F11: variants seen among roughly 807,000 people sequenced by gnomAD.
The protein encoded by F11 is coagulation factor XI, also known as coagualtion factor XI.
Under a neutral mutation model 76.5 loss-of-function variants are expected in F11, and 78 were observed. The observed-to-expected ratio is 1.02, with a 90% confidence interval of 0.85 to 1.23. The LOEUF is 1.23. Among genes scored for constraint, F11 ranks in the 50% most tolerant of loss-of-function variants. The pLI is 0.00. For synonymous variants in F11, 278 were observed against 276.3 expected, an observed-to-expected ratio of 1.01 and a Z score of -0.06; for missense variants, 742 against 771.4, an observed-to-expected ratio of 0.96 and a Z score of 0.45.
At chr4:186,282,747 G>A (rs756096006) in intron 10 of F11, 17 of 985,216 alleles carry the variant, frequency 1.7e-5, no homozygotes, top group Non-Finnish European at 1.9e-5. Flanking sequence ...TCACCCTTCC[G>A]GCTCTAAAAT....
At position 186,279,837 on chromosome 4, in the gene F11, G is replaced by A. The variant is rs139433830; in HGVS notation, c.756-175G>A. 1.3e-3 allele frequency among the ~76,000 whole-genome samples: 204 copies of A among 152,316 alleles called. 1 individual carries two copies. The highest frequency in any genetic ancestry group is 4.7e-3 in the African/African-American group (194 of 41,570). On this transcript the variant is annotated intron_variant, in intron 7 of 14. Transcript: ENST00000403665. ...TTGTCTGCAACCTAAGGGCCATGGA[G>A]TGTGACTCCATGGTTTATGGGTGTA...
rs1741410269 is a variant in F11, at chr4:186,288,959, A to G, written c.*345A>G. On this transcript the variant is annotated 3_prime_UTR_variant, in exon 15 of 15. Coordinates refer to ENST00000403665, the MANE Select transcript of F11 (RefSeq NM_000128.4). ...GTGGGGATCAGGCAGAAGAACTGGT[A>G]AAAGAAGCCACCATAAATAGATTTG... is the stretch of plus-strand genomic sequence containing the variant. 1 of 322,924 alleles carries G rather than the reference A, an allele frequency of 3.1e-6. No individual in the cohort carries two copies. The highest frequency in any genetic ancestry group is 4.4e-5 in the Admixed American group (1 of 22,640). 20.0% of individuals were successfully genotyped at this position (322,924 alleles called of 1,614,324 possible).
chr4:186,270,197 C>T (rs1271601475), intron 2 of F11, among the ~76,000 whole-genome samples: 2 of 152,164 alleles, frequency 1.3e-5, no homozygotes, highest in African/African-American at 4.8e-5. Context: ...TAAGAAGTCT[C>T]GATACAACGT....
chr4:186,274,333 A>G, intron 5 of F11, 58 bp downstream of exon 5: 1 of 1,610,444 alleles, frequency 6.2e-7, no homozygotes. Flanking sequence ...TGATTTACTA[A>G]AAAGCTTTTG....
At chr4:186,271,823 C>G in intron 3 of F11, 52 bp downstream of exon 3, 1 of 1,556,760 alleles carries the variant, frequency 6.4e-7, no homozygotes, top group Non-Finnish European at 8.9e-7. Context: ...AGGGAGATTG[C>G]TATTCTTAAC....
intron 7 of F11, among the ~76,000 whole-genome samples, chr4:186,276,846 C>T (rs1046134504): frequency 2.0e-5 from 3 of 152,030 alleles, no homozygotes; most frequent in Non-Finnish European, 4.4e-5. Flanking sequence ...GCCTCGGCCT[C>T]CCAAAGTGCT....
chr4:186,277,936 A>C (rs1434358843), intron 7 of F11, among the ~76,000 whole-genome samples: 17 of 152,066 alleles, frequency 1.1e-4, no homozygotes. Flanking sequence ...AGTTGCTGGG[A>C]CCACAGGTGT....
intron 5 of F11, 33 bp from the exon 6 acceptor site, chr4:186,275,754 A>T: frequency 6.7e-7 from 1 of 1,502,880 alleles, no homozygotes. Flanking sequence ...CAGTTGGAAG[A>T]ATAAGACACT....
chr4:186,288,352 C>T, intron 14 of F11, 101 bp from the exon 15 acceptor site: 2 of 1,479,482 alleles, frequency 1.4e-6, no homozygotes, highest in Admixed American at 1.7e-5. Flanking sequence ...ATTAAGGGGC[C>T]AAGACAACAT....
intron 1 of F11, 21 bp from the exon 2 acceptor site, chr4:186,267,115 T>C: frequency 6.7e-7 from 1 of 1,493,596 alleles, no homozygotes; most frequent in Non-Finnish European, 9.3e-7. Flanking sequence ...TCTAAAAGCA[T>C]GCACCTTTTT....
chr4:186,270,144 A>C (rs928271803), intron 2 of F11, among the ~76,000 whole-genome samples: 5 of 152,228 alleles, frequency 3.3e-5, no homozygotes. Flanking sequence ...AAAATCCAAA[A>C]TTAACCATCA....
intron 10 of F11, chr4:186,281,849 AT>A (rs1176461478): frequency 5.0e-6 from 6 of 1,198,160 alleles, no homozygotes; most frequent in Non-Finnish European, 6.5e-6. Flanking sequence ...TCAATCCTTA[AT>A]TTCTGAGAAC....
At chr4:186,284,056 T>C in intron 10 of F11, 36 bp from the exon 11 acceptor site, 1 of 1,613,966 alleles carries the variant, frequency 6.2e-7, no homozygotes, top group South Asian at 1.1e-5. Flanking sequence ...GAAAGGAAGA[T>C]GTAGGAAGCT....
At chr4:186,275,688 C>T (rs1420370392) in intron 5 of F11, 99 bp from the exon 6 acceptor site, 8 of 860,584 alleles carry the variant, frequency 9.3e-6, no homozygotes, top group Admixed American at 8.0e-5. Flanking sequence ...TTCGGGGTCT[C>T]GCAGGTCCTC....
chr4:186,290,422 T>A (rs1215728228), downstream of F11, among the ~76,000 whole-genome samples: 2 of 152,204 alleles, frequency 1.3e-5, no homozygotes, highest in African/African-American at 4.8e-5. Context: ...CAGAGTGCGT[T>A]CAAGAGTATC....
chr4:186,287,924 AG>A (rs1221269824), intron 14 of F11, 101 bp downstream of exon 14: 8 of 1,393,966 alleles, frequency 5.7e-6, no homozygotes, highest in Non-Finnish European at 8.0e-6. Flanking sequence ...TTTTTTTTTG[AG>A]ACAGAGTCTC....
intron 10 of F11, among the ~76,000 whole-genome samples, chr4:186,281,559 C>T (rs899561879): frequency 6.6e-6 from 1 of 152,134 alleles, no homozygotes; most frequent in Non-Finnish European, 1.5e-5. Flanking sequence ...TGTAGGCAAA[C>T]AGAATTGTTC....
In F11 at chr4:186,287,904, T is replaced by G. The variant is rs544913841; in HGVS notation, c.1716+81T>G. On this transcript the variant is annotated intron_variant, in intron 14 of 14. Transcript: ENST00000403665. Reference sequence around the variant, plus strand: ...TGGGGTTTTTTTGTTTGTTTTGTTTTTTTTGTTTGTTTTTTTTTGAGACAG... The same window carrying G: ...TGGGGTTTTTTTGTTTGTTTTGTTTGTTTTGTTTGTTTTTTTTTGAGACAG... The G allele has an allele frequency of 3.6e-5, 55 of 1,529,576 alleles. No individual in the cohort carries two copies. In the East Asian group the frequency reaches 1.2e-3, roughly 35 times the overall value. 94.8% of individuals were successfully genotyped at this position (1,529,576 alleles called of 1,614,324 possible).
chr4:186,271,293 G>C (rs751400774), intron 2 of F11, among the ~76,000 whole-genome samples: 2 of 152,184 alleles, frequency 1.3e-5, no homozygotes, highest in African/African-American at 4.8e-5. Context: ...ACCTGGATGA[G>C]ATCCTAAAAA....
Sources: gnomAD v4.1 joint callset for allele counts (sites outside exome capture counted in the v4.1 genomes callset) on GRCh38, gnomAD v4.1.1 for gene constraint, MANE v1.5 for transcripts, NCBI Gene and HGNC (gene_info 2026-07-23, HGNC 2026-07-21) for gene names.